Variants in PCLO observed in about 807,000 individuals in gnomAD.
The protein encoded by PCLO is piccolo presynaptic cytomatrix protein.
A neutral mutation model predicts 427.5 loss-of-function variants in PCLO; 82 were observed. The ratio of observed to expected loss-of-function variants is 0.19; its 90% CI spans 0.16 to 0.23. The LOEUF (loss-of-function observed/expected upper bound fraction) is 0.23, where lower values mean the gene tolerates loss of function less well. PCLO is among the 10% of genes least tolerant of loss of function. The pLI is 1.00. For synonymous variants in PCLO, 2,357 were observed against 2,155.4 expected, an observed-to-expected ratio of 1.09 and a Z score of -2.59; for missense variants, 6,239 against 6,115.9, an observed-to-expected ratio of 1.02 and a Z score of -0.67.
chr7:83,142,031 GC>G (rs530094112), intron 2 of PCLO, among the ~76,000 whole-genome samples: 128 of 151,146 alleles, frequency 8.5e-4, no homozygotes, highest in African/African-American at 3.0e-3. Context: ...TGGAAGCCCT[GC>G]CCCCCTCCCC....
At chr7:82,767,696 T>A (rs186954455) in intron 22 of PCLO, among the ~76,000 whole-genome samples, 1 of 151,640 alleles carries the variant, frequency 6.6e-6, no homozygotes, top group African/African-American at 2.4e-5. Context: ...AATATCTATT[T>A]AAAAATATCA....
chr7:82,952,153 C>T lies in PCLO; in HGVS notation c.8800G>A (p.Ala2934Thr), dbSNP rs769312224. The change falls in exon 5 of 25, where the codon GCA (alanine) becomes ACA (threonine). Residue 2934 changes from alanine to threonine, a missense_variant. Physicochemically the swap from Ala to Thr is moderately conservative, Grantham distance 58 (BLOSUM62 0). Transcript: ENST00000333891. ...IEDEKPVDLTAGRRAVCCDVV... is the reference protein window; with the variant it reads ...IEDEKPVDLTTGRRAVCCDVV... Reference sequence around the variant, plus strand: ...TCACAGCACACAGCTCTTCTCCCTGCGGTTAAATCAACGGGTTTTTCATCT... The same window carrying T: ...TCACAGCACACAGCTCTTCTCCCTGTGGTTAAATCAACGGGTTTTTCATCT... 30 of 1,593,152 alleles carry T rather than the reference C, an allele frequency of 1.9e-5. No individual in the cohort carries two copies. The highest frequency in any genetic ancestry group is 1.4e-4 in the East Asian group (6 of 43,998).
rs780842208 is a variant in PCLO at position 82,846,631 on chromosome 7, G to A, written c.13767C>T (p.Asp4589=). The change falls in exon 12 of 25, where the codon GAC becomes GAT. Residue 4589 remains aspartate (D), a synonymous_variant. Coordinates refer to ENST00000333891, the MANE Select transcript of PCLO (RefSeq NM_033026.6). ...SGEAEICVRL[D]LNMLSDSENS... ...TTTCAGAATCTGATAGCATATTGAG[G>A]TCCCTAAAAATTAAAACAAAACATT... The A allele has an allele frequency of 3.8e-6, 6 of 1,595,018 alleles. No homozygotes were observed. The highest frequency in any genetic ancestry group is 1.1e-5 in the South Asian group (1 of 88,382).
At chr7:83,012,622 A>G (rs886073259) in intron 3 of PCLO, among the ~76,000 whole-genome samples, 6 of 4,776 alleles carry the variant, frequency 1.3e-3, no homozygotes, top group Non-Finnish European at 1.0e-3. Flanking sequence ...TGTCTCAAGG[A>G]AAAAAAAAAA....
chr7:82,893,651 A>G (rs1275137578), intron 9 of PCLO, among the ~76,000 whole-genome samples: 1 of 152,070 alleles, frequency 6.6e-6, no homozygotes, highest in Admixed American at 6.6e-5. Context: ...TTTATTCATG[A>G]CTAATTGTCA....
chr7:82,822,786 T>C (rs780680805), intron 19 of PCLO, 97 bp from the exon 20 acceptor site: 59 of 974,708 alleles, frequency 6.1e-5, no homozygotes, highest in Admixed American at 1.2e-4. Context: ...AAAATTTATG[T>C]TAATTCTGAG....
chr7:83,059,033 CTT>C (rs1392602230), intron 3 of PCLO, among the ~76,000 whole-genome samples: 4 of 151,650 alleles, frequency 2.6e-5, no homozygotes, highest in Non-Finnish European at 5.9e-5. Flanking sequence ...TACATTTATT[CTT>C]GTCAGAAGCA....
intron 2 of PCLO, among the ~76,000 whole-genome samples, chr7:83,139,779 A>G (rs1791818549): frequency 6.6e-6 from 1 of 152,162 alleles, no homozygotes. Context: ...TCATTGCTAG[A>G]ATACGGGTTG....
intron 2 of PCLO, among the ~76,000 whole-genome samples, chr7:83,147,656 A>C (rs976170121): frequency 3.3e-5 from 5 of 152,210 alleles, no homozygotes; most frequent in Non-Finnish European, 7.3e-5. Context: ...AGATGTAAAA[A>C]TGAAGAATCA....
In PCLO at chr7:83,162,770, C is replaced by G. The variant is rs1792482132; in HGVS notation, c.-178G>C. The G allele has an allele frequency of 1.3e-6, 1 of 744,136 alleles. No homozygotes were observed. The highest frequency in any genetic ancestry group is 3.2e-5 in the Admixed American group (1 of 31,736). 46.1% of individuals were successfully genotyped at this position (744,136 alleles called of 1,614,324 possible). A position where few individuals can be genotyped will look rare whatever the true frequency, so the allele number is the denominator to read the frequency against. On this transcript the variant is annotated 5_prime_UTR_variant, in exon 1 of 25. Coordinates refer to ENST00000333891, the MANE Select transcript of PCLO (RefSeq NM_033026.6). Reference sequence around the variant, plus strand: ...ACGCCAGGCAGGGGTTAGTCCCGCTCGCAGGTAACGCCCGCTGCCGGTGCC... The same window carrying G: ...ACGCCAGGCAGGGGTTAGTCCCGCTGGCAGGTAACGCCCGCTGCCGGTGCC...
At chr7:83,003,272 CAAAT>C (rs1451368073) in intron 3 of PCLO, among the ~76,000 whole-genome samples, 4 of 151,270 alleles carry the variant, frequency 2.6e-5, no homozygotes, top group African/African-American at 7.3e-5. Context: ...AATATTTTAA[CAAAT>C]AAAGTTTTTA....
intron 3 of PCLO, among the ~76,000 whole-genome samples, chr7:82,988,865 G>A (rs1036623641): frequency 2.7e-5 from 4 of 148,766 alleles, no homozygotes; most frequent in African/African-American, 5.0e-5. Context: ...ACGGAGTTTC[G>A]CTCTTGTTGC....
intron 1 of PCLO, among the ~76,000 whole-genome samples, chr7:83,158,639 A>C (rs896243514): frequency 2.4e-4 from 36 of 152,054 alleles, no homozygotes; most frequent in African/African-American, 8.7e-4. Context: ...AACAACAAAA[A>C]ATAAACTTCA....
At chr7:82,863,530 C>A in intron 10 of PCLO, among the ~76,000 whole-genome samples, 1 of 151,824 alleles carries the variant, frequency 6.6e-6, no homozygotes, top group Non-Finnish European at 1.5e-5. Context: ...GAAAAGTTAT[C>A]AATCTCTTTA....
In PCLO at chr7:83,096,920, T is replaced by A. The variant is rs1333017194; in HGVS notation, c.3300+37330A>T. 2.2e-4 allele frequency among the ~76,000 whole-genome samples: 11 copies of A among 49,138 alleles called. 3 individuals carry two copies. The highest frequency in any genetic ancestry group is 6.1e-4 in the African/African-American group (5 of 8,252). 32.2% of individuals were successfully genotyped at this position (49,138 alleles called of 152,430 possible). On this transcript the variant is annotated intron_variant, in intron 3 of 24. Transcript: ENST00000333891. ...ATTAATATTATATTATCTAAATATA[T>A]ATAATATAATATAATATATTATATA...
intron 22 of PCLO, among the ~76,000 whole-genome samples, chr7:82,800,038 A>G (rs951609324): frequency 1.3e-5 from 2 of 152,174 alleles, no homozygotes; most frequent in Non-Finnish European, 2.9e-5. Flanking sequence ...TAATCAACAT[A>G]TAAGAGAGAG....
chr7:83,012,621 GAAAA>G (rs537818971), intron 3 of PCLO, among the ~76,000 whole-genome samples: 1,035 of 66,750 alleles, frequency 0.016, 17 homozygotes, highest in African/African-American at 0.055. Flanking sequence ...CTGTCTCAAG[GAAAA>G]AAAAAAAAAA....
At chr7:83,148,092 G>C (rs1292544842) in intron 2 of PCLO, among the ~76,000 whole-genome samples, 1 of 152,156 alleles carries the variant, frequency 6.6e-6, no homozygotes, top group African/African-American at 2.4e-5. Flanking sequence ...ACAGGCAGGA[G>C]TGAAGAAAAC....
intron 10 of PCLO, among the ~76,000 whole-genome samples, chr7:82,870,031 C>G (rs1253259670): frequency 6.6e-6 from 1 of 151,856 alleles, no homozygotes; most frequent in African/African-American, 2.4e-5. Flanking sequence ...TCTGCAGATT[C>G]AATGCAATCT....
Sources: allele counts gnomAD v4.1 joint callset (sites outside exome capture counted in the v4.1 genomes callset), GRCh38; gene constraint gnomAD v4.1.1; transcripts MANE v1.5; gene names NCBI Gene and HGNC (gene_info 2026-07-23, HGNC 2026-07-21).